Variants in TGFB3 observed in about 807,000 individuals in gnomAD.
TGFB3 encodes the protein transforming growth factor beta-3 proprotein.
TGFB3 carries 5 observed loss-of-function variants against 40.1 expected under a neutral mutation model. That is an observed-to-expected ratio of 0.12 (90% confidence interval 0.07 to 0.26). The LOEUF (loss-of-function observed/expected upper bound fraction) is 0.26. Among genes scored for constraint, TGFB3 ranks in the 10% least tolerant of loss-of-function variants. The probability of loss-of-function intolerance (pLI) is 1.00; values close to 1 mark genes in which losing one functional copy is unlikely to be tolerated. For synonymous variants in TGFB3, 184 were observed against 205.6 expected (o/e 0.89, Z 0.90); for missense variants, 373 against 530.1 (o/e 0.70, Z 2.91).
Position 75,959,931 on chromosome 14 carries a change from CTTTTTTTTTT to C in TGFB3, c.1081-596_1081-587del, listed in dbSNP as rs71122509. On this transcript the variant is annotated intron_variant, in intron 6 of 6. Transcript: ENST00000238682. ...CTACACTGATAACGAATTATCTTGG[CTTTTTTTTTT>C]TTTTTTTTTTTTTTTTTTTGAGTCA... Among the ~76,000 whole-genome samples the C allele has an allele frequency of 2.8e-4, 9 of 32,016 alleles. No homozygotes were observed. The East Asian group carries it at 3.3e-3, about 12-fold the overall frequency. The allele number at this position is 32,016 out of a possible 152,430, so 21.0% of individuals were successfully genotyped here.
chr14:75,963,494 A>C lies in TGFB3; in HGVS notation c.755-7T>G, dbSNP rs750868828. The C allele has an allele frequency of 2.2e-5, 35 of 1,614,070 alleles. No homozygotes were observed. In the South Asian group the frequency reaches 3.8e-4, roughly 18 times the overall value. On this transcript the variant is annotated splice_polypyrimidine_tract_variant and splice_region_variant and intron_variant, in intron 4 of 6. Coordinates refer to ENST00000238682, the MANE Select transcript of TGFB3 (RefSeq NM_003239.5). ...TCATCCTCATTGTCCACGCCTGAAG[A>C]AGGGAAGGAAAGTGACAATCTCCTG... is the stretch of plus-strand genomic sequence containing the variant.
chr14:75,981,300 C>T lies in TGFB3; in HGVS notation c.-407G>A, dbSNP rs1391723992. On this transcript the variant is annotated 5_prime_UTR_variant, in exon 1 of 7. Transcript: ENST00000238682. The surrounding 1 kb of genome is among the most constrained non-coding windows in gnomAD (Gnocchi z 4.7). Reference sequence around the variant, plus strand: ...TCTGATATTGCCAAACGCCGCTTGGCGATGGGGAGAAAGTGGGTATTTTAA... The same window carrying T: ...TCTGATATTGCCAAACGCCGCTTGGTGATGGGGAGAAAGTGGGTATTTTAA... The T allele has an allele frequency of 1.3e-5, 3 of 229,326 alleles. No homozygotes were observed. The highest frequency in any genetic ancestry group is 4.5e-5 in the African/African-American group (2 of 44,760). The allele number at this position is 229,326 out of a possible 1,614,324, so 14.2% of individuals were successfully genotyped here.
At chr14:75,968,978 G>A (rs192896023) in intron 3 of TGFB3, among the ~76,000 whole-genome samples, 202 of 152,252 alleles carry the variant, frequency 1.3e-3, no homozygotes, top group African/African-American at 4.5e-3. Flanking sequence ...TGGGGGCTGC[G>A]GGGACTGAGG....
At chr14:75,963,512 A>G (rs2035185008) in intron 4 of TGFB3, 25 bp from the exon 5 acceptor site, 10 of 1,613,886 alleles carry the variant, frequency 6.2e-6, no homozygotes, top group Non-Finnish European at 8.5e-6. Context: ...GAAAGTGACA[A>G]TCTCCTGTCT....
intron 1 of TGFB3, among the ~76,000 whole-genome samples, chr14:75,977,534 G>C (rs1216068086): frequency 6.6e-6 from 1 of 152,080 alleles, no homozygotes; most frequent in African/African-American, 2.4e-5. Context: ...GGGAAACTGA[G>C]GCTCAGAGAG....
intron 3 of TGFB3, among the ~76,000 whole-genome samples, chr14:75,967,718 A>G (rs181426199): frequency 2.6e-5 from 4 of 152,340 alleles, no homozygotes; most frequent in African/African-American, 9.6e-5. Flanking sequence ...ATAATCCCAT[A>G]GAGCAAGAAC....
intron 1 of TGFB3, among the ~76,000 whole-genome samples, chr14:75,973,270 A>G (rs1248089495): frequency 1.3e-5 from 2 of 152,252 alleles, no homozygotes; most frequent in Admixed American, 6.5e-5. Context: ...GAAGGATCAG[A>G]GGCCTGGAAA....
Position 75,980,748 on chromosome 14 carries a change from C to G in TGFB3, c.146G>C (p.Ser49Thr), listed in dbSNP as rs2140254503. 6.2e-7 allele frequency: 1 copy of G among 1,614,196 alleles called. No homozygotes were observed. Among genetic ancestry groups the G allele is most frequent in the Non-Finnish European group, 8.5e-7 (1 of 1,180,050 alleles). The change falls in exon 1 of 7, where the codon AGC (serine) becomes ACC (threonine). Residue 49 changes from serine to threonine, a missense_variant. By Grantham distance (58) the Ser-to-Thr change is moderately conservative (BLOSUM62 1). Transcript: ENST00000238682. This position sits in a 1 kb window ranked among gnomAD's most constrained non-coding sequence, Gnocchi z 4.3. ...RVEAIRGQIL[S>T]KLRLTSPPEP... is the part of the protein sequence containing the mutation. ...AGGGGGGCTGGTGAGCCTGAGCTTG[C>G]TCAAGATCTGTCCCCTAATGGCTTC... is the stretch of plus-strand genomic sequence containing the variant.
At chr14:75,963,172 A>C in intron 5 of TGFB3, 144 bp downstream of exon 5, 16 of 925,226 alleles carry the variant, frequency 1.7e-5, no homozygotes, top group Non-Finnish European at 2.4e-5. Flanking sequence ...AATCTCTGTG[A>C]GAGATTTTCA....
Position 75,958,099 on chromosome 14 carries a change from C to G in TGFB3, c.*1088G>C, listed in dbSNP as rs938342546. Reference sequence around the variant, plus strand: ...AAGGATATTTATCGAGTCAGACATACACCTTAGAATAAGGCTTTTACTGTT... The same window carrying G: ...AAGGATATTTATCGAGTCAGACATAGACCTTAGAATAAGGCTTTTACTGTT... On this transcript the variant is annotated 3_prime_UTR_variant, in exon 7 of 7. Transcript: ENST00000238682. The G allele has an allele frequency of 3.3e-5, 5 of 152,664 alleles. No homozygotes were observed. In the East Asian group the frequency reaches 9.6e-4, roughly 29 times the overall value. The allele number at this position is 152,664 out of a possible 1,614,324, so 9.5% of individuals were successfully genotyped here.
At chr14:75,972,927 C>T (rs1297677244) in intron 1 of TGFB3, among the ~76,000 whole-genome samples, 2 of 152,178 alleles carry the variant, frequency 1.3e-5, no homozygotes, top group African/African-American at 4.8e-5. Flanking sequence ...CCATTGGCTC[C>T]TTTCTCTTTC....
At chr14:75,968,143 C>T (rs919409143) in intron 3 of TGFB3, among the ~76,000 whole-genome samples, 4 of 152,210 alleles carry the variant, frequency 2.6e-5, no homozygotes, top group Admixed American at 2.6e-4. Flanking sequence ...GTACCTGGTG[C>T]ACAAGGGCTC....
chr14:75,959,086 T>C lies in TGFB3; in HGVS notation c.*101A>G. 2.0e-6 allele frequency: 3 copies of C among 1,498,972 alleles called. No homozygotes were observed. The highest frequency in any genetic ancestry group is 3.4e-5 in the Admixed American group (2 of 59,266). The allele number at this position is 1,498,972 out of a possible 1,614,324, so 92.9% of individuals were successfully genotyped here. ...TTGCCCGGAGCCGAAGGTTGTGGGC[T>C]CCAGGCCTCTCAGTGAGGTTTGTTG... On this transcript the variant is annotated 3_prime_UTR_variant, in exon 7 of 7. Coordinates refer to ENST00000238682, the MANE Select transcript of TGFB3 (RefSeq NM_003239.5).
Position 75,959,205 on chromosome 14 carries a change from C to T in TGFB3, c.1221G>A (p.Lys407=), listed in dbSNP as rs769218542. 6.2e-7 allele frequency: 1 copy of T among 1,614,214 alleles called. No individual in the cohort carries two copies. Among genetic ancestry groups the T allele is most frequent in the Non-Finnish European group, 8.5e-7 (1 of 1,180,036 alleles). Residue 407 remains lysine, a synonymous_variant, in exon 7 of 7, where the codon AAG becomes AAA. Transcript: ENST00000238682. ...KVEQLSNMVV[K]SCKCS ...TGGGGTCTCAGCTACATTTACAAGA[C>T]TTCACCACCATGTTGGAGAGCTGCT... is the stretch of plus-strand genomic sequence containing the variant.
chr14:75,976,073 G>A (rs1264124236), intron 1 of TGFB3, among the ~76,000 whole-genome samples: 2 of 152,216 alleles, frequency 1.3e-5, no homozygotes, highest in African/African-American at 4.8e-5. Context: ...GAAAAACCAG[G>A]AAATAGCTGA....
rs2035299387 is a variant in TGFB3, at chr14:75,971,917, G to A, written c.353-199C>T. Among the ~76,000 whole-genome samples the A allele has an allele frequency of 6.6e-6, 1 of 152,232 alleles. No homozygotes were observed. The highest frequency in any genetic ancestry group is 1.5e-5 in the Non-Finnish European group (1 of 68,048). On this transcript the variant is annotated intron_variant, in intron 1 of 6. Coordinates refer to ENST00000238682, the MANE Select transcript of TGFB3 (RefSeq NM_003239.5). The surrounding 1 kb of genome is among the most constrained non-coding windows in gnomAD (Gnocchi z 4.5). ...CACACAGTCCTGAGCAAGGAGCAGT[G>A]TGGCCTCAGAGCTCCACAACATGGC...
rs1297280833 is a variant in TGFB3 at position 75,971,688 on chromosome 14, G to T, written c.383C>A (p.Thr128Asn). Residue 128 changes from threonine to asparagine, a missense_variant, in exon 2 of 7, where the codon ACC becomes AAC. By Grantham distance (65) the Thr-to-Asn change is moderately conservative (BLOSUM62 0). Coordinates refer to ENST00000238682, the MANE Select transcript of TGFB3 (RefSeq NM_003239.5). This position sits in a 1 kb window ranked among gnomAD's most constrained non-coding sequence, Gnocchi z 4.5. The part of the protein sequence containing the change: ...NELAVCPKGI[T>N]SKVFRFNVSS... ...CACATTGAAGCGGAAAACCTTGGAG[G>T]TAATTCCTTTAGGGCAGACAGCCAG... 6.2e-7 allele frequency: 1 copy of T among 1,614,130 alleles called. No homozygotes were observed. The highest frequency in any genetic ancestry group is 2.2e-5 in the East Asian group (1 of 44,904).
At chr14:75,960,418 C>A in intron 6 of TGFB3, 1 of 174,322 alleles carries the variant, frequency 5.7e-6, no homozygotes, top group Admixed American at 5.5e-5. Flanking sequence ...AAATTACTGC[C>A]CTATTTTTGA....
At chr14:75,968,566 G>T (rs903076239) in intron 3 of TGFB3, among the ~76,000 whole-genome samples, 1 of 152,174 alleles carries the variant, frequency 6.6e-6, no homozygotes, top group Non-Finnish European at 1.5e-5. Flanking sequence ...AGGTGGAGCT[G>T]ATCAAAATCA....
Sources: allele counts gnomAD v4.1 joint callset (sites outside exome capture counted in the v4.1 genomes callset), GRCh38; gene constraint gnomAD v4.1.1; non-coding constraint Gnocchi (gnomAD v3.1); transcripts MANE v1.5; gene names NCBI Gene and HGNC (gene_info 2026-07-23, HGNC 2026-07-21).